The following SRD5A2 variants were observed in gnomAD, a reference collection of about 807,000 sequenced individuals.
SRD5A2 encodes the protein 3-oxo-5-alpha-steroid 4-dehydrogenase 2.
A neutral mutation model predicts 27.4 loss-of-function variants in SRD5A2; 30 were observed. That is an observed-to-expected ratio of 1.10 (90% CI 0.82 to 1.49). The LOEUF (loss-of-function observed/expected upper bound fraction) is 1.49. Ranked by LOEUF, SRD5A2 falls within the 40% of genes most tolerant of loss-of-function variation. The pLI, the probability that SRD5A2 is intolerant of heterozygous loss-of-function variation, is 0.00. For synonymous variants in SRD5A2, 141 were observed against 133.6 expected, an observed-to-expected ratio of 1.06 and a Z score of -0.38; for missense variants, 348 against 323.4, an observed-to-expected ratio of 1.08 and a Z score of -0.58.
Position 31,525,806 on chromosome 2 carries a change from T to C in SRD5A2, c.*390A>G, listed in dbSNP as rs1468506149. On this transcript the variant is annotated 3_prime_UTR_variant, in exon 5 of 5. Transcript: ENST00000622030. ...AAATGCATACCTTTAATAAGGTCTA[T>C]AAGTACTGCCTTCAAGTCAAAAAAT... 1 of 246,400 alleles carries C rather than the reference T, an allele frequency of 4.1e-6. No homozygotes were observed. The highest frequency in any genetic ancestry group is 2.2e-5 in the African/African-American group (1 of 45,696). The allele number at this position is 246,400 out of a possible 1,614,324, so 15.3% of individuals were successfully genotyped here.
chr2:31,626,553 G>A, the SRD5A2 span, among the ~76,000 whole-genome samples: 258 of 152,268 alleles, frequency 1.7e-3, no homozygotes, highest in Middle Eastern at 0.01. Flanking sequence ...ATTATTGAGA[G>A]TTTTTAGCAT....
intron 1 of SRD5A2, among the ~76,000 whole-genome samples, chr2:31,549,121 ATTATTATTT>A (rs1263329049): frequency 6.9e-6 from 1 of 144,186 alleles, no homozygotes; most frequent in African/African-American, 2.6e-5. Context: ...TATTATTATT[ATTATTATTT>A]AAGATGGAGT....
chr2:31,577,938 C>T (rs577491654), intron 1 of SRD5A2, among the ~76,000 whole-genome samples: 4 of 152,156 alleles, frequency 2.6e-5, no homozygotes, highest in African/African-American at 7.2e-5. Flanking sequence ...CACCCCAAGA[C>T]AAATTAAATG....
At chr2:31,614,563 G>A in the SRD5A2 span, among the ~76,000 whole-genome samples, 1 of 152,176 alleles carries the variant, frequency 6.6e-6, no homozygotes, top group Non-Finnish European at 1.5e-5. Flanking sequence ...GTAGGACAGT[G>A]GCCTCTTCTC....
chr2:31,523,710 C>T lies in SRD5A2; in HGVS notation c.*2486G>A, dbSNP rs531112195. The T allele has an allele frequency of 5.4e-5, 12 of 221,224 alleles. No homozygotes were observed. The highest frequency in any genetic ancestry group is 2.0e-4 in the African/African-American group (9 of 44,792). 13.7% of individuals were successfully genotyped at this position (221,224 alleles called of 1,614,324 possible). A position where few individuals can be genotyped will look rare whatever the true frequency, so the allele number is the denominator to read the frequency against. ...AGATTATTTTAGCCAAAAAACAGTCCATGGAAACCTCAATTAACTATAATT... is the reference window on the plus strand; with the variant it reads ...AGATTATTTTAGCCAAAAAACAGTCTATGGAAACCTCAATTAACTATAATT... On this transcript the variant is annotated 3_prime_UTR_variant, in exon 5 of 5. Transcript: ENST00000622030.
At chr2:31,642,778 G>A in the SRD5A2 span, among the ~76,000 whole-genome samples, 1 of 151,912 alleles carries the variant, frequency 6.6e-6, no homozygotes, top group Non-Finnish European at 1.5e-5. Context: ...TCCACTAAGA[G>A]GAGAATAGAC....
chr2:31,555,480 G>C (rs1266368668), intron 1 of SRD5A2, among the ~76,000 whole-genome samples: 3 of 152,054 alleles, frequency 2.0e-5, no homozygotes, highest in African/African-American at 7.2e-5. Flanking sequence ...TTTTTTCTAG[G>C]ACTGTTTATT....
the SRD5A2 span, among the ~76,000 whole-genome samples, chr2:31,634,650 A>G: frequency 2.4e-3 from 359 of 152,156 alleles, 5 homozygotes; most frequent in Non-Finnish European, 2.0e-3. Context: ...GGTAATAAAT[A>G]CATTCATATT....
chr2:31,658,549 A>G, the SRD5A2 span, among the ~76,000 whole-genome samples: 1 of 151,610 alleles, frequency 6.6e-6, no homozygotes, highest in Non-Finnish European at 1.5e-5. Context: ...CACTGACCCC[A>G]CAGAAATAAA....
In SRD5A2 at chr2:31,531,375, TG is replaced by T. The variant is rs1216933026; in HGVS notation, c.542del (p.Pro181HisfsTer98). 6.3e-7 allele frequency: 1 copy of T among 1,578,190 alleles called. No individual in the cohort carries two copies. Among genetic ancestry groups the T allele is most frequent in the African/African-American group, 1.3e-5 (1 of 74,426 alleles). On this transcript the variant is annotated frameshift_variant, in exon 3 of 5. Coordinates refer to ENST00000622030, the MANE Select transcript of SRD5A2 (RefSeq NM_000348.4). LOFTEE classifies it high-confidence loss of function. Reference sequence around the variant, plus strand: ...TGGGGGCAGGGGAGACATTACCTTGTGGAATCCTGTAGCTGATTTCTCCAGG... The same window carrying T: ...TGGGGGCAGGGGAGACATTACCTTGTGAATCCTGTAGCTGATTTCTCCAGG... ...RKPGEISYRI[P>X]QGGLFTYVSG...
the SRD5A2 span, among the ~76,000 whole-genome samples, chr2:31,653,041 C>T: frequency 1.3e-5 from 2 of 152,166 alleles, no homozygotes; most frequent in East Asian, 1.9e-4. Context: ...ACTAAGAGCA[C>T]CAGTTGATTC....
chr2:31,562,493 A>G (rs866673582), intron 1 of SRD5A2, among the ~76,000 whole-genome samples: 9 of 152,160 alleles, frequency 5.9e-5, no homozygotes, highest in Middle Eastern at 3.2e-3. Context: ...TAATCATATT[A>G]ATGTACCCAT....
chr2:31,540,206 A>G (rs1666102519), intron 1 of SRD5A2, among the ~76,000 whole-genome samples: 1 of 152,168 alleles, frequency 6.6e-6, no homozygotes, highest in African/African-American at 2.4e-5. Context: ...ATCTAAGGAT[A>G]AATCAAAATG....
intron 1 of SRD5A2, among the ~76,000 whole-genome samples, chr2:31,575,636 T>C (rs540735623): frequency 1.2e-4 from 19 of 152,290 alleles, no homozygotes; most frequent in African/African-American, 2.2e-4. Flanking sequence ...ATCATTTTAT[T>C]TGGCTAATCA....
intron 1 of SRD5A2, among the ~76,000 whole-genome samples, chr2:31,536,176 T>C (rs921454779): frequency 1.5e-4 from 23 of 152,328 alleles, no homozygotes; most frequent in African/African-American, 5.5e-4. Context: ...GAAAGGATCC[T>C]GAAAGGCTAC....
the SRD5A2 span, among the ~76,000 whole-genome samples, chr2:31,633,738 C>CG: frequency 6.6e-6 from 1 of 151,996 alleles, no homozygotes; most frequent in African/African-American, 2.4e-5. Flanking sequence ...TCCTGTTGAG[C>CG]GGGGGGACTG....
chr2:31,526,592 A>C (rs1306578887), intron 4 of SRD5A2, among the ~76,000 whole-genome samples: 1 of 152,194 alleles, frequency 6.6e-6, no homozygotes, highest in African/African-American at 2.4e-5. Flanking sequence ...AGAAAAAAAA[A>C]TGTAGTATCT....
the SRD5A2 span, among the ~76,000 whole-genome samples, chr2:31,653,502 T>C: frequency 6.6e-6 from 1 of 152,200 alleles, no homozygotes. Context: ...TTGTTTCTTA[T>C]GAAATAATTG....
At chr2:31,632,428 C>T in the SRD5A2 span, among the ~76,000 whole-genome samples, 3 of 152,226 alleles carry the variant, frequency 2.0e-5, no homozygotes, top group African/African-American at 4.8e-5. Flanking sequence ...AAGGGAATCA[C>T]TGGAAGGCCC....
Sources: allele counts gnomAD v4.1 joint callset (sites outside exome capture counted in the v4.1 genomes callset), GRCh38; gene constraint gnomAD v4.1.1; transcripts MANE v1.5; gene names NCBI Gene and HGNC (gene_info 2026-07-23, HGNC 2026-07-21).